Variants in FCRL3 observed in about 807,000 individuals in gnomAD.
FCRL3 encodes Fc receptor like 3, also known as Fc receptor-like protein 3.
FCRL3 carries 89 observed loss-of-function variants against 75.0 expected under a neutral mutation model. The observed-to-expected ratio is 1.19, with a 90% CI of 1.00 to 1.42. The LOEUF (loss-of-function observed/expected upper bound fraction) is 1.42, where lower values mean the gene tolerates loss of function less well. Among genes scored for constraint, FCRL3 ranks in the 40% most tolerant of loss-of-function variants. The pLI is 0.00. For missense variants in FCRL3, 946 were observed against 880.0 expected (o/e 1.07, Z -0.95); for synonymous variants, 376 against 348.5 (o/e 1.08, Z -0.88).
Position 157,677,462 on chromosome 1 carries a change from CTAGGACTTGAG to C in FCRL3, c.*1237_*1247del, listed in dbSNP as rs1380844096. 2.0e-6 allele frequency: 2 copies of C among 985,248 alleles called. No individual in the cohort carries two copies. Among genetic ancestry groups the C allele is most frequent in the Admixed American group, 1.2e-4 (2 of 16,256 alleles). The allele number at this position is 985,248 out of a possible 1,614,324, so 61.0% of individuals were successfully genotyped here. A position where few individuals can be genotyped will look rare whatever the true frequency, so the allele number is the denominator to read the frequency against. Reference sequence around the variant, plus strand: ...AATGTTAATATAATCTCAGTTGTCCCTAGGACTTGAGGTGTTCAGAGATATTTGGAAACATC... The same window carrying C: ...AATGTTAATATAATCTCAGTTGTCCCGTGTTCAGAGATATTTGGAAACATC... On this transcript the variant is annotated 3_prime_UTR_variant, in exon 15 of 15. Coordinates refer to ENST00000368184, the MANE Select transcript of FCRL3 (RefSeq NM_052939.4).
Position 157,690,489 on chromosome 1 carries a change from G to C in FCRL3, c.1456C>G (p.Gln486Glu), listed in dbSNP as rs1374733235. Residue 486 changes from glutamine (Q) to glutamate (E), a missense_variant, in exon 9 of 15, where the codon CAG becomes GAG. Coordinates refer to ENST00000368184, the MANE Select transcript of FCRL3 (RefSeq NM_052939.4). ...PVLTLRAPGA[Q>E]AVVGDLLELH... ...TCCAGCAGGTCCCCCACCACAGCCTGGGCCCCGGGAGCCCTGAGGGTGAGG... is the reference window on the plus strand; with the variant it reads ...TCCAGCAGGTCCCCCACCACAGCCTCGGCCCCGGGAGCCCTGAGGGTGAGG... The C allele has an allele frequency of 6.2e-7, 1 of 1,614,248 alleles. No homozygotes were observed. Among genetic ancestry groups the C allele is most frequent in the Non-Finnish European group, 8.5e-7 (1 of 1,180,046 alleles).
At chr1:157,697,991 A>G in intron 4 of FCRL3, 72 bp from the exon 5 acceptor site, 1 of 1,531,716 alleles carries the variant, frequency 6.5e-7, no homozygotes. Flanking sequence ...TCCACCCATG[A>G]GGCAAGAGCC....
At position 157,678,655 on chromosome 1, in the gene FCRL3, GA is replaced by G; in HGVS notation, c.*54del. The G allele has an allele frequency of 6.2e-7, 1 of 1,604,024 alleles. No homozygotes were observed. Among genetic ancestry groups the G allele is most frequent in the Non-Finnish European group, 8.5e-7 (1 of 1,178,086 alleles). On this transcript the variant is annotated 3_prime_UTR_variant, in exon 15 of 15. Coordinates refer to ENST00000368184, the MANE Select transcript of FCRL3 (RefSeq NM_052939.4). ...GAGATGGATGATGTGTGGTTGGAGA[GA>G]ACAGAAAAAAAAATGGTGCAGGCTG...
chr1:157,693,942 G>T (rs1655732276), intron 8 of FCRL3, among the ~76,000 whole-genome samples: 1 of 151,972 alleles, frequency 6.6e-6, no homozygotes, highest in Non-Finnish European at 1.5e-5. Flanking sequence ...AGAGACAGGG[G>T]TTTCTCCATA....
chr1:157,696,215 T>C lies in FCRL3; in HGVS notation c.957A>G (p.Thr319=). ...CSVAQGSGTV[T]FSWHKEGRVR... ...CTCTTCCTTCTTTGTGCCAGGAGAATGTGACAGTCCCTGAACCCTGGGCTA... is the reference window on the plus strand; with the variant it reads ...CTCTTCCTTCTTTGTGCCAGGAGAACGTGACAGTCCCTGAACCCTGGGCTA... Residue 319 remains threonine (T), a synonymous_variant, in exon 7 of 15, where the codon ACA becomes ACG. Transcript: ENST00000368184. The C allele has an allele frequency of 6.2e-7, 1 of 1,613,986 alleles. No homozygotes were observed. Among genetic ancestry groups the C allele is most frequent in the South Asian group, 1.1e-5 (1 of 91,050 alleles).
In FCRL3 at chr1:157,676,837, G is replaced by C; in HGVS notation, c.*1873C>G. 1 of 1,545,078 alleles carries C rather than the reference G, an allele frequency of 6.5e-7. No homozygotes were observed. Among genetic ancestry groups the C allele is most frequent in the Non-Finnish European group, 8.7e-7 (1 of 1,144,792 alleles). On this transcript the variant is annotated 3_prime_UTR_variant, in exon 15 of 15. Coordinates refer to ENST00000368184, the MANE Select transcript of FCRL3 (RefSeq NM_052939.4). Reference sequence around the variant, plus strand: ...GAGAAAGTTCACTATAAGGCACAAAGGGGCTTGGCAAGGTAATTCCAAATC... The same window carrying C: ...GAGAAAGTTCACTATAAGGCACAAACGGGCTTGGCAAGGTAATTCCAAATC...
At chr1:157,700,418 A>T (rs756123884) in intron 2 of FCRL3, 41 bp downstream of exon 2, 1 of 1,613,734 alleles carries the variant, frequency 6.2e-7, no homozygotes, top group East Asian at 2.2e-5. Context: ...GGTCACCTTT[A>T]GGAACTGAGG....
chr1:157,676,904 T>G lies in FCRL3; in HGVS notation c.*1806A>C, dbSNP rs1654493794. On this transcript the variant is annotated 3_prime_UTR_variant, in exon 15 of 15. Transcript: ENST00000368184. ...AGGAGGAGAGCCTCCATATACAGCC[T>G]GGTGGTTGGTACCCAAAACCGGTTT... 1 of 1,454,612 alleles carries G rather than the reference T, an allele frequency of 6.9e-7. No individual in the cohort carries two copies. Among genetic ancestry groups the G allele is most frequent in the Admixed American group, 2.6e-5 (1 of 38,274 alleles). The allele number at this position is 1,454,612 out of a possible 1,614,324, so 90.1% of individuals were successfully genotyped here. A position where few individuals can be genotyped will look rare whatever the true frequency, so the allele number is the denominator to read the frequency against.
intron 3 of FCRL3, among the ~76,000 whole-genome samples, 188 bp downstream of exon 3, chr1:157,699,502 GAA>G (rs74599050): frequency 1.2e-4 from 16 of 131,734 alleles, no homozygotes; most frequent in Admixed American, 3.0e-4. Flanking sequence ...AATGTAGGGA[GAA>G]AAAAAAAAAA....
In FCRL3 at chr1:157,678,811, C is replaced by T. The variant is rs200672131; in HGVS notation, c.2104G>A (p.Asp702Asn). ...CTGCTGCTAGCCTCCCCTGCAGAGT[C>T]GTCTGGGTGTGTCTTCTTCAGTTCT... is the stretch of plus-strand genomic sequence containing the variant. ...YSELKKTHPD[D>N]SAGEASSRGR... The change falls in exon 15 of 15, where the codon GAC (aspartate) becomes AAC (asparagine). Residue 702 changes from aspartate to asparagine, a missense_variant. Physicochemically the swap from Asp to Asn is conservative, Grantham distance 23. Transcript: ENST00000368184. 5.6e-5 allele frequency: 91 copies of T among 1,613,964 alleles called. 2 individuals carry two copies. The South Asian group carries it at 6.8e-4, about 12-fold the overall frequency.
intron 8 of FCRL3, chr1:157,691,874 GTCAACTTAAGTGGTC>G (rs1655566256): frequency 6.6e-6 from 1 of 152,212 alleles, no homozygotes; most frequent in Admixed American, 6.5e-5. Context: ...CATGGTTATT[GTCAACTTAAGTGGTC>G]TCCAAGATGG....
At chr1:157,691,585 G>A (rs1384527379) in intron 8 of FCRL3, among the ~76,000 whole-genome samples, 3 of 152,214 alleles carry the variant, frequency 2.0e-5, no homozygotes, top group East Asian at 1.9e-4. Context: ...TATTGGAAGT[G>A]TAGAGTTCCT....
Position 157,698,639 on chromosome 1 carries a change from A to C in FCRL3, c.53-10T>G. ...GCTTTTGGGGCCACCCCTAAACAGG[A>C]AATAGAAAGATGAAGGCAGGGGAAG... On this transcript the variant is annotated splice_polypyrimidine_tract_variant and intron_variant, in intron 3 of 14. Transcript: ENST00000368184. The C allele has an allele frequency of 6.2e-7, 1 of 1,613,590 alleles. No homozygotes were observed. The highest frequency in any genetic ancestry group is 8.5e-7 in the Non-Finnish European group (1 of 1,179,552).
Position 157,691,099 on chromosome 1 carries a change from G to A in FCRL3, c.1412-566C>T, listed in dbSNP as rs529123782. Among the ~76,000 whole-genome samples the A allele has an allele frequency of 9.9e-5, 15 of 152,098 alleles. No homozygotes were observed. In the South Asian group the frequency reaches 2.5e-3, roughly 25 times the overall value. ...AGGATGGAGAATTATCTGTTTGTTC[G>A]TTGCTGTATTTATAGCTGTTGGAAC... On this transcript the variant is annotated intron_variant, in intron 8 of 14. Coordinates refer to ENST00000368184, the MANE Select transcript of FCRL3 (RefSeq NM_052939.4).
chr1:157,700,403 TC>T (rs1189340085), intron 2 of FCRL3, 55 bp downstream of exon 2: 2 of 1,613,022 alleles, frequency 1.2e-6, no homozygotes, highest in Non-Finnish European at 8.5e-7. Flanking sequence ...CTTGAGTTTT[TC>T]CCTGGTCACC....
In FCRL3 at chr1:157,695,509, G is replaced by T. The variant is rs758903910; in HGVS notation, c.1231C>A (p.Pro411Thr). The change falls in exon 8 of 15, where the codon CCC (proline) becomes ACC (threonine). Residue 411 changes from proline (P) to threonine (T), a missense_variant. Pro to Thr is a conservative substitution (Grantham distance 38, BLOSUM62 -1). Coordinates refer to ENST00000368184, the MANE Select transcript of FCRL3 (RefSeq NM_052939.4). ...TGATAAAATCGGTACAGGATCGGGGGAGAGCCTCTCAGGGACTCACAGTGA... is the reference window on the plus strand; with the variant it reads ...TGATAAAATCGGTACAGGATCGGGGTAGAGCCTCTCAGGGACTCACAGTGA... ...ELHCESLRGS[P>T]PILYRFYHED... The T allele has an allele frequency of 5.6e-6, 9 of 1,614,182 alleles. No individual in the cohort carries two copies. The highest frequency in any genetic ancestry group is 2.2e-5 in the South Asian group (2 of 91,088).
intron 13 of FCRL3, among the ~76,000 whole-genome samples, chr1:157,679,514 T>C (rs948411834): frequency 1.3e-5 from 2 of 152,154 alleles, no homozygotes; most frequent in South Asian, 4.1e-4. Flanking sequence ...TTAGTGTGTG[T>C]GTATGTTTTC....
intron 10 of FCRL3, 118 bp downstream of exon 10, chr1:157,689,680 G>T: frequency 7.5e-7 from 1 of 1,341,826 alleles, no homozygotes; most frequent in Non-Finnish European, 1.0e-6. Context: ...AGTGAGTAGT[G>T]GAACTGAGGG....
intron 12 of FCRL3, 92 bp from the exon 13 acceptor site, chr1:157,680,862 C>T (rs576775856): frequency 2.7e-5 from 40 of 1,458,370 alleles, no homozygotes; most frequent in Middle Eastern, 1.8e-4. Flanking sequence ...AACTTCTATT[C>T]CCAGTGTAAT....
Sources: allele counts gnomAD v4.1 joint callset (sites outside exome capture counted in the v4.1 genomes callset), GRCh38; gene constraint gnomAD v4.1.1; transcripts MANE v1.5; gene names NCBI Gene and HGNC (gene_info 2026-07-23, HGNC 2026-07-21).